ADAMTS8: variants seen among roughly 807,000 people sequenced by gnomAD.
The protein encoded by ADAMTS8 is A disintegrin and metalloproteinase with thrombospondin motifs 8.
In ADAMTS8, 50 loss-of-function variants were observed where a neutral mutation model predicts 64.4. That is an observed-to-expected ratio of 0.78 (90% CI 0.62 to 0.98). The LOEUF (loss-of-function observed/expected upper bound fraction) is 0.98, where lower values mean the gene tolerates loss of function less well. Ranked by LOEUF, ADAMTS8 falls within the 50% of genes least tolerant of loss-of-function variation. ADAMTS8 has a pLI of 0.00. For missense variants in ADAMTS8, 1,192 were observed against 1,208.2 expected, an observed-to-expected ratio of 0.99 and a Z score of 0.20; for synonymous variants, 556 against 533.6, an observed-to-expected ratio of 1.04 and a Z score of -0.58.
chr11:130,418,103 C>T (rs1419443318), intron 2 of ADAMTS8, among the ~76,000 whole-genome samples: 1 of 151,786 alleles, frequency 6.6e-6, no homozygotes, highest in African/African-American at 2.4e-5. Flanking sequence ...ATCATTTGGA[C>T]CTAGCAGGCA....
chr11:130,425,985 T>C (rs1592136040), intron 1 of ADAMTS8, among the ~76,000 whole-genome samples: 1 of 152,134 alleles, frequency 6.6e-6, no homozygotes, highest in African/African-American at 2.4e-5. Context: ...CTCACCCCTC[T>C]CCTGCCACAC....
Position 130,405,078 on chromosome 11 carries a change from G to A in ADAMTS8, c.*480C>T. The A allele has an allele frequency of 4.0e-6, 4 of 989,240 alleles. No homozygotes were observed. Among genetic ancestry groups the A allele is most frequent in the Non-Finnish European group, 4.8e-6 (4 of 832,460 alleles). The allele number at this position is 989,240 out of a possible 1,614,324, so 61.3% of individuals were successfully genotyped here. On this transcript the variant is annotated 3_prime_UTR_variant, in exon 9 of 9. Transcript: ENST00000257359. ...GGATTTTAACACTGAAGACAGTCGT[G>A]GTCATTCTTGAAGACAGCTTGGGGT...
Position 130,411,717 on chromosome 11 carries a change from G to A in ADAMTS8, c.1567-117C>T. The A allele has an allele frequency of 9.4e-7, 1 of 1,064,758 alleles. No individual in the cohort carries two copies. The highest frequency in any genetic ancestry group is 1.4e-6 in the Non-Finnish European group (1 of 734,110). The allele number at this position is 1,064,758 out of a possible 1,614,324, so 66.0% of individuals were successfully genotyped here. A position where few individuals can be genotyped will look rare whatever the true frequency, so the allele number is the denominator to read the frequency against. ...TCTAGTCATTATCATCTTGGTGCAT[G>A]GAGTGCCGTAAACTGCCTCAATCAT... On this transcript the variant is annotated intron_variant, in intron 5 of 8. Transcript: ENST00000257359. The surrounding 1 kb of genome is among the most constrained non-coding windows in gnomAD (Gnocchi z 4.2).
chr11:130,423,596 G>A (rs1862127051), intron 1 of ADAMTS8, among the ~76,000 whole-genome samples: 1 of 152,198 alleles, frequency 6.6e-6, no homozygotes, highest in African/African-American at 2.4e-5. Flanking sequence ...GGCTGTGACA[G>A]CCGTCCCTGA....
chr11:130,406,041 A>G lies in ADAMTS8; in HGVS notation c.2187T>C (p.Asp729=), dbSNP rs148606485. The G allele has an allele frequency of 1.2e-4, 193 of 1,614,144 alleles. No individual in the cohort carries two copies. In the African/African-American group the frequency reaches 2.3e-3, roughly 19 times the overall value. Residue 729 remains aspartate (D), a synonymous_variant, in exon 9 of 9, where the codon GAT becomes GAC. Coordinates refer to ENST00000257359, the MANE Select transcript of ADAMTS8 (RefSeq NM_007037.6). ...CCGTCTTCAGCGCCAGGTAGTTCCC[A>G]TCGTTCTGCACACCCGGGTGGCTCC... is the stretch of plus-strand genomic sequence containing the variant. ...KQRSHPGVQN[D]GNYLALKTAD... is the part of the protein sequence containing the mutation.
chr11:130,428,025 C>G lies in ADAMTS8; in HGVS notation c.262G>C (p.Gly88Arg). The G allele has an allele frequency of 1.3e-6, 2 of 1,526,676 alleles. No individual in the cohort carries two copies. The highest frequency in any genetic ancestry group is 1.7e-6 in the Non-Finnish European group (2 of 1,143,446). The allele number at this position is 1,526,676 out of a possible 1,614,324, so 94.6% of individuals were successfully genotyped here. A position where few individuals can be genotyped will look rare whatever the true frequency, so the allele number is the denominator to read the frequency against. Residue 88 changes from glycine (G) to arginine (R), a missense_variant, in exon 1 of 9, where the codon GGC (glycine) becomes CGC (arginine). Physicochemically the swap from Gly to Arg is moderately radical, Grantham distance 125 (BLOSUM62 -2). Coordinates refer to ENST00000257359, the MANE Select transcript of ADAMTS8 (RefSeq NM_007037.6). ...CCCCGCTCGCCCCCGGTCGCCCGGCCGGAGCCCCCGAGGCGCTCGATCTTG... is the reference window on the plus strand; with the variant it reads ...CCCCGCTCGCCCCCGGTCGCCCGGCGGGAGCCCCCGAGGCGCTCGATCTTG... ...EFKIERLGGS[G>R]RATGGERGLR...
intron 1 of ADAMTS8, among the ~76,000 whole-genome samples, chr11:130,422,062 C>A (rs570616669): frequency 2.0e-5 from 3 of 152,272 alleles, no homozygotes; most frequent in African/African-American, 7.2e-5. Context: ...ACTTGGGGAT[C>A]CCATACTCTT....
chr11:130,415,685 G>A (rs1172621792), intron 4 of ADAMTS8, among the ~76,000 whole-genome samples: 1 of 142,432 alleles, frequency 7.0e-6, no homozygotes, highest in Non-Finnish European at 1.5e-5. Flanking sequence ...ACAGCTTACT[G>A]GTAGCCTTGA....
In ADAMTS8 at chr11:130,415,603, C is replaced by CTTTTTTTTTTTTTTTT. The variant is rs386375276; in HGVS notation, c.1264+544_1264+559dup. Among the ~76,000 whole-genome samples the CTTTTTTTTTTTTTTTT allele has an allele frequency of 1.9e-5, 2 of 104,802 alleles. 1 individual carries two copies. The allele number at this position is 104,802 out of a possible 152,430, so 68.8% of individuals were successfully genotyped here. ...CGGGCAGAAGCCACTGCACCTGGCCCTTTTTTTTTTTTTTTTTTTTAAAGA... is the reference window on the plus strand; with the variant it reads ...CGGGCAGAAGCCACTGCACCTGGCCCTTTTTTTTTTTTTTTTTTTTTTTTTTTTTTTTTTTTAAAGA... On this transcript the variant is annotated intron_variant, in intron 4 of 8. Transcript: ENST00000257359.
At chr11:130,413,516 C>A (rs1861979466) in intron 5 of ADAMTS8, among the ~76,000 whole-genome samples, 1 of 152,210 alleles carries the variant, frequency 6.6e-6, no homozygotes, top group Admixed American at 6.5e-5. Flanking sequence ...CCAGTGGATG[C>A]TGTTTCATAG....
At chr11:130,408,336 A>T in intron 8 of ADAMTS8, 128 bp downstream of exon 8, 1 of 1,092,380 alleles carries the variant, frequency 9.2e-7, no homozygotes, top group Non-Finnish European at 1.3e-6. Context: ...AAGCTCGGAG[A>T]GTTTAAATAA....
At position 130,428,216 on chromosome 11, in the gene ADAMTS8, G is replaced by T; in HGVS notation, c.71C>A (p.Ala24Asp). The T allele has an allele frequency of 8.3e-7, 1 of 1,210,436 alleles. No individual in the cohort carries two copies. 75.0% of individuals were successfully genotyped at this position (1,210,436 alleles called of 1,614,324 possible). A position where few individuals can be genotyped will look rare whatever the true frequency, so the allele number is the denominator to read the frequency against. The stretch of plus-strand genomic sequence containing the variant: ...TGCGGGCCGGGCCGGGGCGCCGCGG[G>T]CCAGCGGCAGCAGCAGCAGCAGCAG... ...LLLLLLLLPLARGAPARPAAG... is the reference protein window; with the variant it reads ...LLLLLLLLPLDRGAPARPAAG... The change falls in exon 1 of 9, where the codon GCC (alanine) becomes GAC (aspartate). Residue 24 changes from alanine to aspartate, a missense_variant. Physicochemically the swap from Ala to Asp is moderately radical, Grantham distance 126. Coordinates refer to ENST00000257359, the MANE Select transcript of ADAMTS8 (RefSeq NM_007037.6).
At position 130,416,395 on chromosome 11, in the gene ADAMTS8, A is replaced by G; in HGVS notation, c.1097-65T>C. On this transcript the variant is annotated intron_variant, in intron 3 of 8. Coordinates refer to ENST00000257359, the MANE Select transcript of ADAMTS8 (RefSeq NM_007037.6). The surrounding 1 kb of genome is among the most constrained non-coding windows in gnomAD (Gnocchi z 4.8). ...TGAGGGCGCCCCACCTGGCCCAGCTAGGGACAGAGATGGAGCTCCTCAGGG... is the reference window on the plus strand; with the variant it reads ...TGAGGGCGCCCCACCTGGCCCAGCTGGGGACAGAGATGGAGCTCCTCAGGG... 3 of 1,469,280 alleles carry G rather than the reference A, an allele frequency of 2.0e-6. No individual in the cohort carries two copies. Among genetic ancestry groups the G allele is most frequent in the South Asian group, 2.7e-5 (2 of 75,424 alleles). The allele number at this position is 1,469,280 out of a possible 1,614,324, so 91.0% of individuals were successfully genotyped here. A position where few individuals can be genotyped will look rare whatever the true frequency, so the allele number is the denominator to read the frequency against.
At chr11:130,414,095 G>A (rs1169185269) in intron 5 of ADAMTS8, among the ~76,000 whole-genome samples, 1 of 149,946 alleles carries the variant, frequency 6.7e-6, no homozygotes, top group African/African-American at 2.5e-5. Flanking sequence ...GAAGTCCTAT[G>A]TTGCAGCCTG....
chr11:130,417,010 G>T lies in ADAMTS8; in HGVS notation c.1026C>A (p.Asp342Glu). The T allele has an allele frequency of 1.2e-6, 2 of 1,614,084 alleles. No individual in the cohort carries two copies. The highest frequency in any genetic ancestry group is 2.2e-5 in the East Asian group (1 of 44,864). Residue 342 changes from aspartate to glutamate, a missense_variant, in exon 3 of 9, where the codon GAC becomes GAA. Physicochemically the swap from Asp to Glu is conservative, Grantham distance 45. Transcript: ENST00000257359. ...CGATCACGGAGCAGCTTTTGTTGGG[G>T]TCACAAATGGTCCCGATGTCTGCCA... ...LGVADIGTIC[D>E]PNKSCSVIED...
Position 130,427,570 on chromosome 11 carries a change from C to T in ADAMTS8, c.717G>A (p.Leu239=), listed in dbSNP as rs1408993615. ...ASMAAFYGAD[L]QNHILTLMSV... ...TGGAGGAGGCTCTCAGTCCTACCTG[C>T]AGGTCGGCCCCGTAGAAGGCAGCCA... is the stretch of plus-strand genomic sequence containing the variant. The change falls in exon 1 of 9, where the codon CTG becomes CTA. Residue 239 remains leucine (L), a synonymous_variant. Transcript: ENST00000257359. The T allele has an allele frequency of 6.5e-7, 1 of 1,537,380 alleles. No individual in the cohort carries two copies. Among genetic ancestry groups the T allele is most frequent in the Non-Finnish European group, 8.7e-7 (1 of 1,146,704 alleles).
chr11:130,414,772 C>A lies in ADAMTS8; in HGVS notation c.1325G>T (p.Arg442Leu). 4 of 1,613,248 alleles carry A rather than the reference C, an allele frequency of 2.5e-6. No individual in the cohort carries two copies. The highest frequency in any genetic ancestry group is 3.4e-6 in the Non-Finnish European group (4 of 1,179,962). The part of the protein sequence containing the change: ...ALPLPTGLPG[R>L]MALYQLDQQC... Reference sequence around the variant, plus strand: ...CTGGTCCAGCTGGTACAGGGCCATGCGGCCCGGGAGGCCTGTGGGGAGGGG... The same window carrying A: ...CTGGTCCAGCTGGTACAGGGCCATGAGGCCCGGGAGGCCTGTGGGGAGGGG... The change falls in exon 5 of 9, where the codon CGC becomes CTC. Residue 442 changes from arginine to leucine, a missense_variant. By Grantham distance (102) the Arg-to-Leu change is moderately radical. This residue lies in a region of ADAMTS8 where 741 missense variants were observed against 710.6 expected (regional missense o/e 1.04). Transcript: ENST00000257359.
At position 130,411,002 on chromosome 11, in the gene ADAMTS8, G is replaced by A. The variant is rs1230469198; in HGVS notation, c.1750+415C>T. Among the ~76,000 whole-genome samples the A allele has an allele frequency of 6.6e-6, 1 of 152,266 alleles. No homozygotes were observed. The highest frequency in any genetic ancestry group is 6.5e-5 in the Admixed American group (1 of 15,306). On this transcript the variant is annotated intron_variant, in intron 6 of 8. Transcript: ENST00000257359. This position sits in a 1 kb window ranked among gnomAD's most constrained non-coding sequence, Gnocchi z 4.2. ...GGCTCTGACACTTGCTTTGGAAAAT[G>A]CTTCCATTCTGCACACAGATGAGGG...
chr11:130,406,629 G>A (rs1365932565), intron 8 of ADAMTS8, among the ~76,000 whole-genome samples: 2 of 148,538 alleles, frequency 1.3e-5, no homozygotes, highest in African/African-American at 2.6e-5. Context: ...TGAGTCAGTC[G>A]GCTCCTAGTA....
Sources: gnomAD v4.1 joint callset for allele counts (sites outside exome capture counted in the v4.1 genomes callset) on GRCh38, gnomAD v4.1.1 for gene constraint, gnomAD v4.1.1 regional missense constraint, Gnocchi (gnomAD v3.1) non-coding constraint, MANE v1.5 for transcripts, NCBI Gene and HGNC (gene_info 2026-07-23, HGNC 2026-07-21) for gene names.